The following CFAP92 variants were observed in gnomAD, a reference collection of about 807,000 sequenced individuals.
CFAP92 encodes the protein cilia and flagella associated protein 92 (putative), also known as uncharacterized protein CFAP92.
Under a neutral mutation model 106.3 loss-of-function variants are expected in CFAP92, and 86 were observed. That is an observed-to-expected ratio of 0.81 (90% CI 0.68 to 0.97). CFAP92 has a LOEUF of 0.97. CFAP92 is among the 50% of genes least tolerant of loss of function. CFAP92 has a pLI of 0.00. For missense variants in CFAP92, 1,204 were observed against 1,283.8 expected (o/e 0.94, Z 0.95); for synonymous variants, 477 against 506.4 (o/e 0.94, Z 0.78).
intron 7 of CFAP92, among the ~76,000 whole-genome samples, chr3:128,971,760 T>C (rs117202743): frequency 6.6e-6 from 1 of 152,324 alleles, no homozygotes; most frequent in East Asian, 1.9e-4. Context: ...CAGCTCTTAA[T>C]GTCAGTGCAG....
At chr3:128,957,973 C>A (rs1320682956) in intron 9 of CFAP92, among the ~76,000 whole-genome samples, 1 of 152,108 alleles carries the variant, frequency 6.6e-6, no homozygotes, top group Non-Finnish European at 1.5e-5. Flanking sequence ...TTCTGGTGGC[C>A]CCAGATGTCC....
At chr3:128,955,058 T>C (rs1941239905) in intron 9 of CFAP92, among the ~76,000 whole-genome samples, 1 of 7,184 alleles carries the variant, frequency 1.4e-4, no homozygotes, top group Admixed American at 1.0e-3. Context: ...GAGGAGCCCC[T>C]CTGCCCGGCC....
chr3:128,978,310 A>G (rs1943294011), intron 4 of CFAP92, 125 bp from the exon 5 acceptor site: 1 of 902,694 alleles, frequency 1.1e-6, no homozygotes, highest in African/African-American at 1.7e-5. Context: ...AGTAAATATC[A>G]CAATAAAGTG....
intron 1 of CFAP92, chr3:129,001,913 G>A (rs1263199631): frequency 1.9e-6 from 3 of 1,538,902 alleles, no homozygotes; most frequent in Non-Finnish European, 2.6e-6. Flanking sequence ...GGGCCACCAC[G>A]GCCGGGCAGG....
rs765706722 is a variant in CFAP92, at chr3:128,910,310, G to A, written c.3304C>T (p.Pro1102Ser). Residue 1102 changes from proline to serine, a missense_variant, in exon 16 of 16, where the codon CCC becomes TCC. Pro to Ser is a moderately conservative substitution (Grantham distance 74). Transcript: ENST00000645291. ...VTVRKKKGNS[P>S]IS ...AGGGTCTGTGCTGCTCAGGAGATGG[G>A]GCTGTTCCCTTTCTTCTTCCTGACT... 5.6e-5 allele frequency: 83 copies of A among 1,486,856 alleles called. 1 individual carries two copies. The South Asian group carries it at 1.0e-3, about 19-fold the overall frequency. The allele number at this position is 1,486,856 out of a possible 1,614,324, so 92.1% of individuals were successfully genotyped here.
chr3:128,966,343 T>G (rs1024767914), intron 8 of CFAP92, among the ~76,000 whole-genome samples: 1 of 152,186 alleles, frequency 6.6e-6, no homozygotes, highest in African/African-American at 2.4e-5. Context: ...GGACATATCA[T>G]GCCAGTGTGT....
At chr3:128,998,307 C>T (rs1379952446), upstream of CFAP92, among the ~76,000 whole-genome samples, 2 of 152,048 alleles carry the variant, frequency 1.3e-5, no homozygotes, top group Non-Finnish European at 2.9e-5. Context: ...GATGAAGGTC[C>T]GATTCATCAT....
chr3:128,952,004 G>T (rs564614561), intron 9 of CFAP92, among the ~76,000 whole-genome samples: 12 of 152,264 alleles, frequency 7.9e-5, no homozygotes, highest in African/African-American at 2.6e-4. Flanking sequence ...TGGGGAACCT[G>T]GAGTCTCACC....
intron 12 of CFAP92, among the ~76,000 whole-genome samples, chr3:128,923,482 T>C (rs1937469377): frequency 6.6e-6 from 1 of 152,156 alleles, no homozygotes; most frequent in South Asian, 2.1e-4. Context: ...GAGACCCTAA[T>C]AGGCAGGAAT....
At chr3:129,025,999 ACCTCTCCCGCGGTGCGGCTCCAG>A in the CFAP92 span, among the ~76,000 whole-genome samples, 1 of 151,976 alleles carries the variant, frequency 6.6e-6, no homozygotes, top group East Asian at 1.9e-4. Context: ...TGCAGACCCC[ACCTCTCCCGCGGTGCGGCTCCAG>A]CAGCTTCCTC....
upstream of CFAP92, among the ~76,000 whole-genome samples, chr3:129,006,926 A>G (rs1193155530): frequency 6.6e-6 from 1 of 152,214 alleles, no homozygotes; most frequent in Admixed American, 6.5e-5. Flanking sequence ...CAGAATAGCC[A>G]TGGGCATTTA....
chr3:128,993,704 A>G (rs966468519), intron 1 of CFAP92: 18 of 308,752 alleles, frequency 5.8e-5, no homozygotes, highest in African/African-American at 3.0e-4. Context: ...GCGCCTAAGC[A>G]CAAGATGCGT....
intron 5 of CFAP92, 126 bp downstream of exon 5, chr3:128,977,919 G>A (rs1359457805): frequency 6.7e-6 from 8 of 1,195,766 alleles, no homozygotes; most frequent in South Asian, 2.9e-5. Context: ...GGTGAGCCCC[G>A]CCCGCCTCTG....
rs982172008 is a variant in CFAP92 at position 128,994,000 on chromosome 3, C to T, written c.-53G>A. The T allele has an allele frequency of 5.3e-5, 52 of 987,262 alleles. No individual in the cohort carries two copies. Among genetic ancestry groups the T allele is most frequent in the Admixed American group, 6.1e-5 (1 of 16,486 alleles). 61.2% of individuals were successfully genotyped at this position (987,262 alleles called of 1,614,324 possible). A position where few individuals can be genotyped will look rare whatever the true frequency, so the allele number is the denominator to read the frequency against. On this transcript the variant is annotated 5_prime_UTR_variant, in exon 1 of 16. Coordinates refer to ENST00000645291, the MANE Select transcript of CFAP92 (RefSeq NM_001394090.1). ...GGTACCTGCGAGCGGATGCGCTGGGCGGCAGCGGGGAGTTGGACCGCGGCG... is the reference window on the plus strand; with the variant it reads ...GGTACCTGCGAGCGGATGCGCTGGGTGGCAGCGGGGAGTTGGACCGCGGCG...
chr3:128,978,049 C>T lies in CFAP92; in HGVS notation c.804G>A (p.Leu268=). 1 of 1,613,968 alleles carries T rather than the reference C, an allele frequency of 6.2e-7. No individual in the cohort carries two copies. Among genetic ancestry groups the T allele is most frequent in the Non-Finnish European group, 8.5e-7 (1 of 1,179,858 alleles). ...QEKTEKHPKS[L]QGSHQAEPET... ...ACAAAGGCCTTCTCCGCTCACCTTG[C>T]AAAGACTTTGGGTGTTTTTCTGTTT... Residue 268 remains leucine (L), a synonymous_variant, in exon 5 of 16, where the codon TTG becomes TTA. Coordinates refer to ENST00000645291, the MANE Select transcript of CFAP92 (RefSeq NM_001394090.1).
At chr3:128,946,668 A>C (rs1178736731) in intron 9 of CFAP92, among the ~76,000 whole-genome samples, 2 of 152,174 alleles carry the variant, frequency 1.3e-5, no homozygotes, top group African/African-American at 4.8e-5. Flanking sequence ...ATAATCCCGG[A>C]TTGGCGGTGC....
chr3:128,921,956 G>A (rs1937326520), intron 12 of CFAP92, among the ~76,000 whole-genome samples: 1 of 152,158 alleles, frequency 6.6e-6, no homozygotes, highest in African/African-American at 2.4e-5. Context: ...TTACCCTCAG[G>A]AACAGTTGGT....
At chr3:128,930,836 C>T (rs540169499) in intron 12 of CFAP92, among the ~76,000 whole-genome samples, 1 of 152,268 alleles carries the variant, frequency 6.6e-6, no homozygotes, top group East Asian at 1.9e-4. Context: ...TATTCTTGTA[C>T]ATATCTAAGT....
At chr3:129,026,218 A>G in the CFAP92 span, among the ~76,000 whole-genome samples, 13 of 152,350 alleles carry the variant, frequency 8.5e-5, no homozygotes, top group Admixed American at 2.6e-4. Flanking sequence ...TCTAAGACAC[A>G]TGCAAGTGCT....
Sources: gnomAD v4.1 joint callset for allele counts (sites outside exome capture counted in the v4.1 genomes callset) on GRCh38, gnomAD v4.1.1 for gene constraint, MANE v1.5 for transcripts, NCBI Gene and HGNC (gene_info 2026-07-23, HGNC 2026-07-21) for gene names.